HTN1: variants seen among roughly 807,000 people sequenced by gnomAD.
HTN1 encodes histatin-1.
A neutral mutation model predicts 11.2 loss-of-function variants in HTN1; 18 were observed. The observed-to-expected ratio is 1.61, with a 90% CI of 1.12 to 2.39. The LOEUF (loss-of-function observed/expected upper bound fraction) is 2.39. Among genes scored for constraint, HTN1 ranks in the 30% most tolerant of loss-of-function variants. The pLI is 0.00. For synonymous variants in HTN1, 21 were observed against 20.5 expected, an observed-to-expected ratio of 1.02 and a Z score of -0.07; for missense variants, 80 against 67.2, an observed-to-expected ratio of 1.19 and a Z score of -0.67.
rs555089013 is a variant in HTN1, at chr4:70,053,457, T to C, written c.51+330T>C. Among the ~76,000 whole-genome samples the C allele has an allele frequency of 2.5e-3, 379 of 152,210 alleles. 2 individuals are homozygous for C. Among genetic ancestry groups the C allele is most frequent in the Non-Finnish European group, 3.5e-3 (238 of 68,002 alleles). On this transcript the variant is annotated intron_variant, in intron 2 of 5. Transcript: ENST00000246896. ...GCTCTAGACCATCTGAAGTTAGAAA[T>C]CTGAGGAAAGAAAAAGGTGCACTTC...
chr4:70,055,726 T>C (rs1376968374), intron 5 of HTN1, 124 bp downstream of exon 5: 1 of 575,348 alleles, frequency 1.7e-6, no homozygotes, highest in African/African-American at 1.9e-5. Context: ...TTGAAGTGTA[T>C]TCATTTGTAT....
At chr4:70,055,076 T>C (rs970415496) in intron 4 of HTN1, among the ~76,000 whole-genome samples, 1 of 151,958 alleles carries the variant, frequency 6.6e-6, no homozygotes, top group African/African-American at 2.4e-5. Context: ...TATGAAAGAA[T>C]GTAGGAGTTG....
intron 1 of HTN1, among the ~76,000 whole-genome samples, chr4:70,051,967 T>A (rs1212039883): frequency 2.0e-5 from 3 of 152,184 alleles, no homozygotes; most frequent in Non-Finnish European, 2.9e-5. Context: ...TATTTTCCAA[T>A]GGAAATGCTT....
chr4:70,055,534 G>T lies in HTN1; in HGVS notation c.139G>T (p.Gly47Trp), dbSNP rs763515608. ...HHSHREFPFY[G>W]DYGSNYLYDN ...TTCACATCGAGAATTTCCATTTTAT[G>T]GGGACTATGGATCAAATTATCTATA... Residue 47 changes from glycine (G) to tryptophan (W), a missense_variant, in exon 5 of 6, where the codon GGG (glycine) becomes TGG (tryptophan). Transcript: ENST00000246896. 10 of 1,598,222 alleles carry T rather than the reference G, an allele frequency of 6.3e-6. No individual in the cohort carries two copies. Among genetic ancestry groups the T allele is most frequent in the Non-Finnish European group, 8.6e-6 (10 of 1,166,510 alleles).
At chr4:70,055,472 T>A (rs1234229911) in intron 4 of HTN1, 26 bp from the exon 5 acceptor site, 2 of 1,489,268 alleles carry the variant, frequency 1.3e-6, no homozygotes, top group South Asian at 2.3e-5. Context: ...CTCTGCAATT[T>A]GCTCTCTCCT....
intron 1 of HTN1, chr4:70,052,829 A>T: frequency 5.7e-6 from 2 of 350,682 alleles, no homozygotes; most frequent in Non-Finnish European, 1.0e-5. Context: ...TTCGCTGGGC[A>T]TGGTGGCACA....
intron 1 of HTN1, among the ~76,000 whole-genome samples, chr4:70,052,584 G>A (rs1185009942): frequency 6.6e-6 from 1 of 151,690 alleles, no homozygotes; most frequent in Non-Finnish European, 1.5e-5. Context: ...CATCCTCTTG[G>A]TCTGTTTAAG....
intron 1 of HTN1, among the ~76,000 whole-genome samples, chr4:70,050,997 C>A (rs1725877228): frequency 6.6e-6 from 1 of 152,134 alleles, no homozygotes; most frequent in South Asian, 2.1e-4. Context: ...CACCAGCAAT[C>A]ATCACGCAAA....
At chr4:70,057,782 C>T (rs1726080263) in intron 5 of HTN1, 1 of 152,162 alleles carries the variant, frequency 6.6e-6, no homozygotes, top group East Asian at 1.9e-4. Context: ...GCCACTAACA[C>T]TGTACATGGA....
intron 5 of HTN1, chr4:70,057,952 T>G (rs1256793537): frequency 6.6e-6 from 1 of 152,200 alleles, no homozygotes; most frequent in Non-Finnish European, 1.5e-5. Context: ...ATGGGAATTT[T>G]CAAGGAAATA....
intron 1 of HTN1, among the ~76,000 whole-genome samples, chr4:70,051,791 A>G (rs754621455): frequency 1.3e-5 from 2 of 152,136 alleles, no homozygotes; most frequent in Non-Finnish European, 2.9e-5. Flanking sequence ...GTTTAAGAGC[A>G]GGACATTTTA....
intron 1 of HTN1, among the ~76,000 whole-genome samples, chr4:70,050,950 T>C (rs1250516037): frequency 6.6e-6 from 1 of 152,132 alleles, no homozygotes; most frequent in African/African-American, 2.4e-5. Context: ...ACTCGGGATC[T>C]GAAGATGACT....
At chr4:70,054,241 G>T in intron 2 of HTN1, 81 bp from the exon 3 acceptor site, 1 of 872,882 alleles carries the variant, frequency 1.1e-6, no homozygotes, top group South Asian at 1.8e-5. Context: ...AATCATATAT[G>T]TGGCTAAGTC....
At chr4:70,051,213 T>A (rs533470005) in intron 1 of HTN1, among the ~76,000 whole-genome samples, 7 of 152,292 alleles carry the variant, frequency 4.6e-5, no homozygotes, top group African/African-American at 9.6e-5. Flanking sequence ...GGTTTATTTT[T>A]AAAAATTTAC....
chr4:70,053,547 C>T (rs1315053163), intron 2 of HTN1, among the ~76,000 whole-genome samples: 1 of 152,126 alleles, frequency 6.6e-6, no homozygotes, highest in Non-Finnish European at 1.5e-5. Context: ...GCACAACCTA[C>T]TCTTAAAGTC....
At chr4:70,057,910 A>G (rs1287411695) in intron 5 of HTN1, 1 of 152,202 alleles carries the variant, frequency 6.6e-6, no homozygotes, top group Non-Finnish European at 1.5e-5. Context: ...AGCAATTGCT[A>G]TAGGAATGAC....
intron 5 of HTN1, chr4:70,056,334 T>C (rs1726041287): frequency 6.6e-6 from 1 of 152,050 alleles, no homozygotes; most frequent in Non-Finnish European, 1.5e-5. Flanking sequence ...TGGGTAGCCA[T>C]ATGCAGAAAA....
chr4:70,052,821 C>A (rs181940290), intron 1 of HTN1: 50 of 315,074 alleles, frequency 1.6e-4, no homozygotes, highest in African/African-American at 9.2e-4. Flanking sequence ...AGAAAAAATT[C>A]GCTGGGCATG....
rs1419895059 is a variant in HTN1 at position 70,055,503 on chromosome 4, G to T, written c.108G>T (p.Lys36Asn). ...CTCCTTTTGTGTGTATGCAGGAAAA[G>T]CATCATTCACATCGAGAATTTCCAT... ...HHGYRRKFHE[K>N]HHSHREFPFY... The change falls in exon 5 of 6, where the codon AAG (lysine) becomes AAT (asparagine). Residue 36 changes from lysine to asparagine, a missense_variant. By Grantham distance (94) the Lys-to-Asn change is moderately conservative. Coordinates refer to ENST00000246896, the MANE Select transcript of HTN1 (RefSeq NM_002159.4). 3 of 1,591,152 alleles carry T rather than the reference G, an allele frequency of 1.9e-6. No individual in the cohort carries two copies. The highest frequency in any genetic ancestry group is 2.6e-6 in the Non-Finnish European group (3 of 1,159,984).
Sources: allele counts gnomAD v4.1 joint callset (sites outside exome capture counted in the v4.1 genomes callset), GRCh38; gene constraint gnomAD v4.1.1; transcripts MANE v1.5; gene names NCBI Gene and HGNC (gene_info 2026-07-23, HGNC 2026-07-21).